The following THAP8 variants were observed in gnomAD, a reference collection of about 807,000 sequenced individuals.
THAP8 encodes THAP domain-containing protein 8.
A neutral mutation model predicts 25.0 loss-of-function variants in THAP8; 24 were observed. The observed-to-expected ratio is 0.96, with a 90% CI of 0.69 to 1.35. The LOEUF is 1.35. Among genes scored for constraint, THAP8 ranks in the 40% most tolerant of loss-of-function variants. THAP8 has a pLI of 0.00. For missense variants in THAP8, 399 were observed against 368.8 expected, an observed-to-expected ratio of 1.08 and a Z score of -0.67; for synonymous variants, 169 against 157.6, an observed-to-expected ratio of 1.07 and a Z score of -0.54.
intron 3 of THAP8, among the ~76,000 whole-genome samples, chr19:36,036,525 C>T (rs1429425483): frequency 6.6e-6 from 1 of 152,062 alleles, no homozygotes; most frequent in Non-Finnish European, 1.5e-5. Flanking sequence ...CTGCTTCAGC[C>T]TCCCAAAGTG....
chr19:36,041,500 A>G lies in THAP8; in HGVS notation c.84-1364T>C, dbSNP rs1001689363. On this transcript the variant is annotated intron_variant, in intron 1 of 3. Coordinates refer to ENST00000292894, the MANE Select transcript of THAP8 (RefSeq NM_152658.3). ...GGGCAGGGCAGGGAAGAAGATTGGC[A>G]AAGTGTTGATAACTAGTGACACAGT... Among the ~76,000 whole-genome samples, 5 of 152,236 alleles carry G rather than the reference A, an allele frequency of 3.3e-5. No individual in the cohort carries two copies. The East Asian group carries it at 7.7e-4, about 24-fold the overall frequency.
chr19:36,044,595 TC>T (rs2145444950), intron 1 of THAP8, among the ~76,000 whole-genome samples: 1 of 152,248 alleles, frequency 6.6e-6, no homozygotes, highest in Admixed American at 6.5e-5. Context: ...GCCCAAGTGA[TC>T]CTCCCACCTC....
At chr19:36,045,850 C>T (rs1341539440) in intron 1 of THAP8, 2 of 456,660 alleles carry the variant, frequency 4.4e-6, no homozygotes, top group Non-Finnish European at 4.4e-6. Context: ...TACAGCCCTG[C>T]CGACACCTTG....
intron 1 of THAP8, among the ~76,000 whole-genome samples, chr19:36,042,632 A>G (rs953071623): frequency 3.9e-5 from 6 of 152,274 alleles, no homozygotes; most frequent in Admixed American, 1.3e-4. Flanking sequence ...TGCTGTCTCA[A>G]AAACAAACAA....
chr19:36,052,499 G>T lies in THAP8; in HGVS notation c.83+1636C>A, dbSNP rs1445255138. On this transcript the variant is annotated intron_variant, in intron 1 of 3. Coordinates refer to ENST00000292894, the MANE Select transcript of THAP8 (RefSeq NM_152658.3). ...TGGGGACCACTGCCATAGGCCCTAT[G>T]GGCCTTTGTTTTGTGAGGGAGTCTC... Among the ~76,000 whole-genome samples, 50 of 152,218 alleles carry T rather than the reference G, an allele frequency of 3.3e-4. 1 individual carries two copies. The highest frequency in any genetic ancestry group is 3.3e-3 in the Admixed American group (50 of 15,280).
intron 1 of THAP8, among the ~76,000 whole-genome samples, chr19:36,043,354 T>A (rs1371809761): frequency 6.6e-6 from 1 of 152,158 alleles, no homozygotes; most frequent in East Asian, 1.9e-4. Context: ...AACAGTCAAA[T>A]TCCTAGAGAC....
intron 1 of THAP8, among the ~76,000 whole-genome samples, chr19:36,045,248 C>T (rs957288605): frequency 9.9e-5 from 15 of 151,312 alleles, no homozygotes; most frequent in South Asian, 2.1e-4. Context: ...CCACCACGTC[C>T]GGCTAATTTT....
intron 3 of THAP8, among the ~76,000 whole-genome samples, chr19:36,036,498 G>A (rs957228918): frequency 2.0e-5 from 3 of 151,952 alleles, no homozygotes; most frequent in Non-Finnish European, 2.9e-5. Context: ...TCAAACTCCT[G>A]GGCTCAAGTC....
chr19:36,049,955 G>A (rs916458895), intron 1 of THAP8, among the ~76,000 whole-genome samples: 1 of 151,540 alleles, frequency 6.6e-6, no homozygotes, highest in African/African-American at 2.4e-5. Context: ...TCAGGAGGCT[G>A]AGGTAGGAGA....
upstream of THAP8, chr19:36,054,735 T>C: frequency 1.7e-6 from 1 of 600,324 alleles, no homozygotes. Context: ...CCATGACGCT[T>C]AATCAGGCAT....
intron 3 of THAP8, among the ~76,000 whole-genome samples, chr19:36,036,272 C>CTTT (rs35918803): frequency 0.1 from 11,049 of 110,242 alleles, 987 homozygotes; most frequent in Middle Eastern, 0.19. Context: ...AAAGACCAGA[C>CTTT]TTTTTTTTTT....
At chr19:36,048,537 G>C (rs971780939) in intron 1 of THAP8, among the ~76,000 whole-genome samples, 1 of 151,890 alleles carries the variant, frequency 6.6e-6, no homozygotes, top group African/African-American at 2.4e-5. Flanking sequence ...GGCAATTTTT[G>C]TATTTTTAGT....
chr19:36,046,663 C>T (rs1363354503), intron 1 of THAP8, among the ~76,000 whole-genome samples: 2 of 152,184 alleles, frequency 1.3e-5, no homozygotes, highest in African/African-American at 2.4e-5. Context: ...CCCATTCTTC[C>T]GGGACACAAA....
intron 3 of THAP8, 46 bp from the exon 4 acceptor site, chr19:36,035,638 T>C: frequency 6.3e-7 from 1 of 1,591,588 alleles, no homozygotes; most frequent in Non-Finnish European, 8.6e-7. Flanking sequence ...CGAAGCAAGT[T>C]GCGGGAGAGA....
intron 1 of THAP8, 106 bp from the exon 2 acceptor site, chr19:36,040,242 T>G (rs1226134768): frequency 8.2e-7 from 1 of 1,216,050 alleles, no homozygotes; most frequent in East Asian, 2.6e-5. Flanking sequence ...TGTGCCTCCC[T>G]AGGGCTAGGA....
At chr19:36,048,233 A>G (rs1320888597) in intron 1 of THAP8, among the ~76,000 whole-genome samples, 2 of 152,216 alleles carry the variant, frequency 1.3e-5, no homozygotes, top group Non-Finnish European at 2.9e-5. Context: ...CAAAGGACAT[A>G]GTGTGAGCAA....
In THAP8 at chr19:36,054,212, G is replaced by C. The variant is rs1347937379; in HGVS notation, c.6C>G (p.Pro2=). 2 of 1,613,586 alleles carry C rather than the reference G, an allele frequency of 1.2e-6. No individual in the cohort carries two copies. Among genetic ancestry groups the C allele is most frequent in the Middle Eastern group, 1.7e-4 (1 of 6,050 alleles). Residue 2 remains proline, a synonymous_variant, in exon 1 of 4, where the codon CCC becomes CCG. Transcript: ENST00000292894. ...AGCAGTTCGGCGCCCTGCAGTACTT[G>C]GGCATGGCTATCCAGCCCCCGCTGA... M[P]KYCRAPNCSN...
intron 1 of THAP8, among the ~76,000 whole-genome samples, chr19:36,052,426 C>A (rs541443906): frequency 6.6e-6 from 1 of 152,190 alleles, no homozygotes; most frequent in East Asian, 1.9e-4. Flanking sequence ...CTATCCCATC[C>A]GTGGAAAAAC....
intron 3 of THAP8, among the ~76,000 whole-genome samples, chr19:36,038,276 G>GT (rs889326563): frequency 1.3e-5 from 2 of 151,066 alleles, no homozygotes; most frequent in South Asian, 2.1e-4. Flanking sequence ...GTGGTTTTTG[G>GT]TTTTTTTTGA....
Sources: gnomAD v4.1 joint callset for allele counts (sites outside exome capture counted in the v4.1 genomes callset) on GRCh38, gnomAD v4.1.1 for gene constraint, MANE v1.5 for transcripts, NCBI Gene and HGNC (gene_info 2026-07-23, HGNC 2026-07-21) for gene names.